The following IL1RAPL1 variants were observed in gnomAD, a reference collection of about 807,000 sequenced individuals.
IL1RAPL1 encodes the protein interleukin 1 receptor accessory protein like 1, also known as interleukin-1 receptor accessory protein-like 1.
IL1RAPL1 carries 3 observed loss-of-function variants against 48.4 expected under a neutral mutation model. The observed-to-expected ratio is 0.06, with a 90% confidence interval of 0.03 to 0.16. The LOEUF (loss-of-function observed/expected upper bound fraction) is 0.16, where lower values mean the gene tolerates loss of function less well. IL1RAPL1 is among the 10% of genes least tolerant of loss of function. The pLI, the probability that IL1RAPL1 is intolerant of heterozygous loss-of-function variation, is 1.00. For missense variants in IL1RAPL1, 349 were observed against 530.6 expected (o/e 0.66, Z 3.36); for synonymous variants, 185 against 187.7 (o/e 0.99, Z 0.12).
intron 2 of IL1RAPL1, among the ~76,000 whole-genome samples, chrX:29,276,682 G>T (rs763234308): frequency 1.0e-3 from 112 of 109,724 alleles, no homozygotes; most frequent in African/African-American, 3.6e-3. Flanking sequence ...GCTAAATGAG[G>T]TTTTTTTTTC....
At chrX:29,907,895 A>G (rs1222727908) in intron 6 of IL1RAPL1, among the ~76,000 whole-genome samples, 1 of 111,694 alleles carries the variant, frequency 9.0e-6, no homozygotes, top group Non-Finnish European at 1.9e-5. Flanking sequence ...TTTTCTAATT[A>G]GTAACTGTAG....
intron 2 of IL1RAPL1, among the ~76,000 whole-genome samples, chrX:28,993,437 GAACAAGTCGATCCAAGATAATATA>G (rs754578091): frequency 1.8e-5 from 2 of 111,682 alleles, no homozygotes; most frequent in Admixed American, 1.9e-4. Flanking sequence ...GATGAGCTGT[GAACAAGTCGATCCAAGATAATATA>G]ATTTGAAGAT....
At chrX:29,350,442 A>G (rs375525171) in intron 3 of IL1RAPL1, among the ~76,000 whole-genome samples, 3 of 105,533 alleles carry the variant, frequency 2.8e-5, no homozygotes, top group Non-Finnish European at 5.8e-5. Flanking sequence ...AAAAAAATCA[A>G]TCCCCAGCCA....
intron 5 of IL1RAPL1, among the ~76,000 whole-genome samples, chrX:29,399,927 A>C (rs1345130343): frequency 8.9e-6 from 1 of 112,146 alleles, no homozygotes; most frequent in East Asian, 2.8e-4. Flanking sequence ...TCGTTTTTGG[A>C]AACATTTCCT....
intron 2 of IL1RAPL1, among the ~76,000 whole-genome samples, chrX:29,114,850 A>G (rs892020769): frequency 9.0e-6 from 1 of 110,828 alleles, no homozygotes; most frequent in Admixed American, 9.7e-5. Flanking sequence ...GGCTGGTCTC[A>G]AACTCCTGAC....
chrX:29,932,368 T>C (rs150639845), intron 8 of IL1RAPL1, among the ~76,000 whole-genome samples: 3,799 of 112,443 alleles, frequency 0.034, 79 homozygotes, highest in African/African-American at 0.073. Flanking sequence ...CCTATTGTAC[T>C]GACCTAACTT....
intron 2 of IL1RAPL1, among the ~76,000 whole-genome samples, chrX:29,255,142 CGTGTGT>C (rs200536177): frequency 9.6e-5 from 6 of 62,460 alleles, no homozygotes; most frequent in African/African-American, 2.0e-4. Flanking sequence ...TGTGTGTGTG[CGTGTGT>C]GTGTGTGTGT....
At chrX:29,833,026 A>AC (rs1930916916) in intron 6 of IL1RAPL1, among the ~76,000 whole-genome samples, 1 of 109,783 alleles carries the variant, frequency 9.1e-6, no homozygotes, top group Admixed American at 9.8e-5. Flanking sequence ...ACCCACAACT[A>AC]CCCCCCTGCT....
At position 29,395,042 on chromosome X, in the gene IL1RAPL1, A is replaced by C. The variant is rs894879847; in HGVS notation, c.363-1216A>C. On this transcript the variant is annotated intron_variant, in intron 3 of 10. Transcript: ENST00000378993. The stretch of plus-strand genomic sequence containing the variant: ...ATTAGCTGAATAAGGAGGAGGACTT[A>C]AGAGATGTTGTGCATGTGTACAGAC... Among the ~76,000 whole-genome samples, 4 of 112,087 alleles carry C rather than the reference A, an allele frequency of 3.6e-5. No individual in the cohort carries two copies. In the Middle Eastern group the frequency reaches 0.014, roughly 384 times the overall value.
intron 5 of IL1RAPL1, among the ~76,000 whole-genome samples, chrX:29,606,434 C>T (rs1157378158): frequency 8.9e-6 from 1 of 111,841 alleles, no homozygotes. Context: ...TTTTTATCAC[C>T]GTACACCAGC....
chrX:29,667,561 G>A (rs1926032136), intron 5 of IL1RAPL1, among the ~76,000 whole-genome samples: 1 of 112,179 alleles, frequency 8.9e-6, no homozygotes. Context: ...GCAATTCGAT[G>A]AGAGAGGGCA....
At chrX:28,676,403 G>A (rs1934997463) in intron 1 of IL1RAPL1, among the ~76,000 whole-genome samples, 1 of 111,550 alleles carries the variant, frequency 9.0e-6, no homozygotes, top group African/African-American at 3.3e-5. Flanking sequence ...GCTGCACTAT[G>A]CAATATTTTT....
In IL1RAPL1 at chrX:29,434,677, T is replaced by C. The variant is rs1374890063; in HGVS notation, c.703+35369T>C. Among the ~76,000 whole-genome samples the C allele has an allele frequency of 3.6e-5, 4 of 111,126 alleles. No individual in the cohort carries two copies. The Admixed American group carries it at 3.8e-4, about 11-fold the overall frequency. ...GAAGGCCAATAATTATGCTTTAGAT[T>C]TGGGGACTTTTTGTTGAGAATCATC... On this transcript the variant is annotated intron_variant, in intron 5 of 10. Coordinates refer to ENST00000378993, the MANE Select transcript of IL1RAPL1 (RefSeq NM_014271.4).
chrX:29,264,399 AG>A (rs1417065828), intron 2 of IL1RAPL1, among the ~76,000 whole-genome samples: 1 of 110,842 alleles, frequency 9.0e-6, no homozygotes, highest in Non-Finnish European at 1.9e-5. Context: ...TGAAGCAGTG[AG>A]GGAAAGTTGC....
At chrX:29,369,144 TGTGCA>T (rs1933509608) in intron 3 of IL1RAPL1, 1 of 110,938 alleles carries the variant, frequency 9.0e-6, no homozygotes, top group Admixed American at 9.7e-5. Flanking sequence ...GCTTGAACCT[TGTGCA>T]GAACCCTGTG....
chrX:28,932,052 T>A (rs867202236), intron 2 of IL1RAPL1, among the ~76,000 whole-genome samples: 183 of 108,393 alleles, frequency 1.7e-3, no homozygotes, highest in Non-Finnish European at 2.7e-3. Flanking sequence ...AAAAAAAAAA[T>A]AAAAAATAAA....
In IL1RAPL1 at chrX:29,006,647, ATGTGTGTGTGTGTG is replaced by A. The variant is rs547186942; in HGVS notation, c.82+217256_82+217269del. Reference sequence around the variant, plus strand: ...CCCACATTTGTGTGTGTTTATATATATGTGTGTGTGTGTGTGTGTGTGTGTGTGTGTGTGTGTGT... The same window carrying A: ...CCCACATTTGTGTGTGTTTATATATATGTGTGTGTGTGTGTGTGTGTGTGT... On this transcript the variant is annotated intron_variant, in intron 2 of 10. Coordinates refer to ENST00000378993, the MANE Select transcript of IL1RAPL1 (RefSeq NM_014271.4). 5.7e-3 allele frequency among the ~76,000 whole-genome samples: 436 copies of A among 76,924 alleles called. 4 individuals carry two copies. Among genetic ancestry groups the A allele is most frequent in the Non-Finnish European group, 8.3e-3 (338 of 40,905 alleles). 66.8% of individuals were successfully genotyped at this position (76,924 alleles called of 115,157 possible). A position where few individuals can be genotyped will look rare whatever the true frequency, so the allele number is the denominator to read the frequency against.
chrX:29,319,396 G>T (rs1383859527), intron 3 of IL1RAPL1, among the ~76,000 whole-genome samples: 1 of 28,270 alleles, frequency 3.5e-5, no homozygotes, highest in African/African-American at 1.1e-4. Context: ...TAGAGACAGG[G>T]TCTCACTGTG....
At chrX:29,173,922 A>G (rs1469286496) in intron 2 of IL1RAPL1, among the ~76,000 whole-genome samples, 8 of 109,798 alleles carry the variant, frequency 7.3e-5, no homozygotes, top group African/African-American at 1.0e-4. Context: ...AATCAACAAG[A>G]TGCTTTTTTT....
Sources: gnomAD v4.1 joint callset for allele counts (sites outside exome capture counted in the v4.1 genomes callset) on GRCh38, gnomAD v4.1.1 for gene constraint, MANE v1.5 for transcripts, NCBI Gene and HGNC (gene_info 2026-07-23, HGNC 2026-07-21) for gene names.